RXRA: variants seen among roughly 807,000 people sequenced by gnomAD.
RXRA encodes retinoid X receptor alpha.
In RXRA, 5 loss-of-function variants were observed where a neutral mutation model predicts 44.5. That is an observed-to-expected ratio of 0.11 (90% CI 0.06 to 0.24). The LOEUF is 0.24. RXRA is among the 10% of genes least tolerant of loss of function. RXRA has a pLI of 1.00. For missense variants in RXRA, 412 were observed against 646.5 expected (o/e 0.64, Z 3.93); for synonymous variants, 291 against 271.4 (o/e 1.07, Z -0.71).
At chr9:134,432,069 C>A in intron 8 of RXRA, 73 bp downstream of exon 8, 2 of 1,198,826 alleles carry the variant, frequency 1.7e-6, no homozygotes, top group Non-Finnish European at 2.4e-6. Context: ...CTCCTCCTGG[C>A]TGTACTTCTT....
At chr9:134,409,143 G>A in intron 4 of RXRA, 24 bp downstream of exon 4, 1 of 1,521,582 alleles carries the variant, frequency 6.6e-7, no homozygotes, top group Non-Finnish European at 8.8e-7. Context: ...TCGGGTGGGG[G>A]CGCGGGCAGG....
chr9:134,418,107 G>A (rs7034965), intron 5 of RXRA, among the ~76,000 whole-genome samples: 25,770 of 152,018 alleles, frequency 0.17, 2,422 homozygotes, highest in African/African-American at 0.25. Context: ...GGCGTTCTGA[G>A]CCCCTCCTAC....
In RXRA at chr9:134,365,568, AG is replaced by A. The variant is rs1830403859; in HGVS notation, c.29-36059del. Among the ~76,000 whole-genome samples the A allele has an allele frequency of 1.3e-5, 2 of 151,956 alleles. No homozygotes were observed. The highest frequency in any genetic ancestry group is 4.1e-4 in the South Asian group (2 of 4,822). ...GGGGCTGCACTGGGGCCTGGGTGGT[AG>A]GGGGTGATCTGCTTGTCCAGTGGTT... On this transcript the variant is annotated intron_variant, in intron 1 of 9. Transcript: ENST00000481739. The surrounding 1 kb of genome is among the most constrained non-coding windows in gnomAD (Gnocchi z 4.0).
At chr9:134,362,844 G>A (rs936592734) in intron 1 of RXRA, among the ~76,000 whole-genome samples, 1 of 152,232 alleles carries the variant, frequency 6.6e-6, no homozygotes, top group Non-Finnish European at 1.5e-5. Flanking sequence ...CCACTTGGAC[G>A]GGGATCCTGC....
Position 134,436,512 on chromosome 9 carries a change from G to T in RXRA, c.1287G>T (p.Gly429=), listed in dbSNP as rs1285706657. 1 of 1,614,050 alleles carries T rather than the reference G, an allele frequency of 6.2e-7. No homozygotes were observed. The highest frequency in any genetic ancestry group is 1.3e-5 in the African/African-American group (1 of 74,948). Residue 429 remains glycine, a synonymous_variant, in exon 10 of 10, where the codon GGG becomes GGT. Coordinates refer to ENST00000481739, the MANE Select transcript of RXRA (RefSeq NM_002957.6). ...LLRLPALRSI[G]LKCLEHLFFF... ...GCCTGCCGGCTCTGCGCTCCATCGG[G>T]CTCAAATGCCTGGAACATCTCTTCT...
At chr9:134,357,858 C>A (rs983126417) in intron 1 of RXRA, among the ~76,000 whole-genome samples, 3 of 152,250 alleles carry the variant, frequency 2.0e-5, no homozygotes, top group African/African-American at 7.2e-5. Context: ...AACCTTCACA[C>A]TGTCTGATCC....
At chr9:134,377,730 G>A (rs777656455) in intron 1 of RXRA, among the ~76,000 whole-genome samples, 1 of 152,202 alleles carries the variant, frequency 6.6e-6, no homozygotes, top group African/African-American at 2.4e-5. Flanking sequence ...CTGACTTCCA[G>A]CTGCTGCCCG....
chr9:134,388,913 T>G (rs1338254551), intron 1 of RXRA, among the ~76,000 whole-genome samples: 1 of 152,152 alleles, frequency 6.6e-6, no homozygotes, highest in African/African-American at 2.4e-5. Flanking sequence ...CTTGACGGAC[T>G]GGGTGTGGGT....
At position 134,436,671 on chromosome 9, in the gene RXRA, C is replaced by A; in HGVS notation, c.*57C>A. Reference sequence around the variant, plus strand: ...TCTGGCCACCCTGCCTGGACGCCAGCTGTTCTTCTCAGCCTGAGCCCTGTC... The same window carrying A: ...TCTGGCCACCCTGCCTGGACGCCAGATGTTCTTCTCAGCCTGAGCCCTGTC... On this transcript the variant is annotated 3_prime_UTR_variant, in exon 10 of 10. Transcript: ENST00000481739. 1 of 1,600,802 alleles carries A rather than the reference C, an allele frequency of 6.2e-7. No individual in the cohort carries two copies. The highest frequency in any genetic ancestry group is 8.5e-7 in the Non-Finnish European group (1 of 1,171,544).
At chr9:134,339,711 GTGTT>G (rs1554747859) in intron 1 of RXRA, among the ~76,000 whole-genome samples, 1 of 151,278 alleles carries the variant, frequency 6.6e-6, no homozygotes, top group African/African-American at 2.4e-5. Context: ...GTGCCTGTGT[GTGTT>G]TGAGCCTGTG....
chr9:134,372,474 T>C (rs1034129349), intron 1 of RXRA, among the ~76,000 whole-genome samples: 3 of 152,100 alleles, frequency 2.0e-5, no homozygotes, highest in African/African-American at 7.2e-5. Flanking sequence ...GGGGAGACAG[T>C]GGTTGGACCC....
At chr9:134,403,572 C>T (rs1830999834) in intron 2 of RXRA, 2 of 152,310 alleles carry the variant, frequency 1.3e-5, no homozygotes, top group Admixed American at 1.3e-4. Context: ...GTCCTGGACA[C>T]CCAGGGGTCT....
chr9:134,357,060 A>G (rs185716255), intron 1 of RXRA, among the ~76,000 whole-genome samples: 3 of 152,328 alleles, frequency 2.0e-5, no homozygotes. Context: ...AGAACAAAAG[A>G]AAAGAAAAAA....
chr9:134,344,841 G>A (rs1554748555), intron 1 of RXRA, among the ~76,000 whole-genome samples: 1 of 152,220 alleles, frequency 6.6e-6, no homozygotes, highest in South Asian at 2.1e-4. Context: ...CGCTCTATGG[G>A]CACTGGGCTT....
At chr9:134,369,863 A>G (rs1830469219) in intron 1 of RXRA, among the ~76,000 whole-genome samples, 1 of 152,074 alleles carries the variant, frequency 6.6e-6, no homozygotes, top group South Asian at 2.1e-4. Flanking sequence ...GAAACTTTAC[A>G]GACTCCATTT....
intron 1 of RXRA, among the ~76,000 whole-genome samples, chr9:134,393,946 C>T (rs74901469): frequency 0.021 from 3,176 of 152,048 alleles, 48 homozygotes; most frequent in Non-Finnish European, 0.03. Context: ...TTCCTTCTGC[C>T]GCTGGCCAGT....
intron 1 of RXRA, among the ~76,000 whole-genome samples, chr9:134,360,546 C>T (rs1465056702): frequency 6.6e-6 from 1 of 152,248 alleles, no homozygotes; most frequent in Non-Finnish European, 1.5e-5. Context: ...CGTGCCAGCG[C>T]CCCTTCCGGC....
intron 1 of RXRA, among the ~76,000 whole-genome samples, chr9:134,376,147 C>A (rs917273877): frequency 2.0e-5 from 3 of 152,200 alleles, no homozygotes; most frequent in Admixed American, 6.5e-5. Context: ...ACCGGCCCCG[C>A]TGGTTGGGGC....
intron 1 of RXRA, among the ~76,000 whole-genome samples, chr9:134,345,550 A>G (rs373507749): frequency 6.6e-6 from 1 of 152,180 alleles, no homozygotes; most frequent in South Asian, 2.1e-4. Context: ...GCGGGAGCCG[A>G]CATCACATGT....
Sources: allele counts gnomAD v4.1 joint callset (sites outside exome capture counted in the v4.1 genomes callset), GRCh38; gene constraint gnomAD v4.1.1; non-coding constraint Gnocchi (gnomAD v3.1); transcripts MANE v1.5; gene names NCBI Gene and HGNC (gene_info 2026-07-23, HGNC 2026-07-21).